The following ALG9 variants were observed in gnomAD, a reference collection of about 807,000 sequenced individuals.
The protein encoded by ALG9 is ALG9 alpha-1,2-mannosyltransferase, also known as alpha-1,2-mannosyltransferase ALG9.
In ALG9, 55 loss-of-function variants were observed where a neutral mutation model predicts 81.8. The observed-to-expected ratio is 0.67, with a 90% CI of 0.54 to 0.84. The LOEUF (loss-of-function observed/expected upper bound fraction) is 0.84, where lower values mean the gene tolerates loss of function less well. Ranked by LOEUF, ALG9 falls within the 40% of genes least tolerant of loss-of-function variation. The pLI, the probability that ALG9 is intolerant of heterozygous loss-of-function variation, is 0.00. For synonymous variants in ALG9, 278 were observed against 274.3 expected (o/e 1.01, Z -0.13); for missense variants, 629 against 745.0 (o/e 0.84, Z 1.81).
chr11:111,836,223 G>A lies in ALG9; in HGVS notation c.1544C>T (p.Ala515Val), dbSNP rs1264069945. The A allele has an allele frequency of 2.5e-6, 4 of 1,613,898 alleles. No individual in the cohort carries two copies. The highest frequency in any genetic ancestry group is 2.7e-5 in the African/African-American group (2 of 74,906). ...LPKPFAEGPL[A>V]TRIVPTDMND... ...CATGTCAGTAGGAACAATCCGGGTG[G>A]CCAGAGGTCCTTCTGCAAAAGGTTT... is the stretch of plus-strand genomic sequence containing the variant. The change falls in exon 13 of 15, where the codon GCC (alanine) becomes GTC (valine). Residue 515 changes from alanine (A) to valine (V), a missense_variant. Physicochemically the swap from Ala to Val is moderately conservative, Grantham distance 64. Transcript: ENST00000616540.
At chr11:111,849,731 T>G (rs749456971) in intron 8 of ALG9, 5 of 152,188 alleles carry the variant, frequency 3.3e-5, no homozygotes, top group Non-Finnish European at 7.3e-5. Flanking sequence ...ATGTGGTGTT[T>G]GGTTTTCTGC....
intron 3 of ALG9, among the ~76,000 whole-genome samples, chr11:111,866,550 T>C (rs1962537465): frequency 6.6e-6 from 1 of 151,944 alleles, no homozygotes; most frequent in Non-Finnish European, 1.5e-5. Flanking sequence ...CTTTGCTGAA[T>C]GGCTAGGAAA....
At chr11:111,787,891 C>T (rs1394016609) in intron 14 of ALG9, among the ~76,000 whole-genome samples, 1 of 152,206 alleles carries the variant, frequency 6.6e-6, no homozygotes, top group Admixed American at 6.5e-5. Context: ...CAGGGTTACA[C>T]AGTAAGTGAC....
At chr11:111,797,151 AC>A (rs1250127730) in intron 14 of ALG9, among the ~76,000 whole-genome samples, 1 of 152,256 alleles carries the variant, frequency 6.6e-6, no homozygotes, top group East Asian at 1.9e-4. Context: ...CCTCCCATCA[AC>A]AGGGGAAGTC....
chr11:111,866,837 T>C (rs1477535550), intron 3 of ALG9, among the ~76,000 whole-genome samples: 2 of 150,348 alleles, frequency 1.3e-5, no homozygotes, highest in Non-Finnish European at 3.0e-5. Context: ...CTCACGCCCG[T>C]AATCCCAGCA....
At chr11:111,772,063 A>G in the ALG9 span, among the ~76,000 whole-genome samples, 1 of 152,342 alleles carries the variant, frequency 6.6e-6, no homozygotes, top group South Asian at 2.1e-4. Flanking sequence ...ATCACCACAT[A>G]TAACAAAGGT....
intron 14 of ALG9, among the ~76,000 whole-genome samples, chr11:111,787,507 A>C (rs1475448597): frequency 6.6e-6 from 1 of 151,756 alleles, no homozygotes; most frequent in Non-Finnish European, 1.5e-5. Context: ...CCCAGGCTGG[A>C]GTGCCGTGGT....
chr11:111,803,633 T>C (rs1468973224), intron 14 of ALG9, among the ~76,000 whole-genome samples: 2 of 151,972 alleles, frequency 1.3e-5, no homozygotes, highest in Non-Finnish European at 2.9e-5. Context: ...TGAAACAGAA[T>C]AGAGAGCCCA....
Position 111,844,736 on chromosome 11 carries a change from T to C in ALG9, c.896-13A>G, listed in dbSNP as rs1411670918. The C allele has an allele frequency of 1.9e-6, 3 of 1,612,952 alleles. No individual in the cohort carries two copies. Among genetic ancestry groups the C allele is most frequent in the East Asian group, 2.2e-5 (1 of 44,828 alleles). ...CAGGGTTCTGTACCTGAGGGAGACA[T>C]AAAGGTAAGAAATCATTAGTGGATG... On this transcript the variant is annotated splice_polypyrimidine_tract_variant and intron_variant, in intron 8 of 14. Coordinates refer to ENST00000616540, the MANE Select transcript of ALG9 (RefSeq NM_024740.2).
intron 6 of ALG9, among the ~76,000 whole-genome samples, chr11:111,856,032 AC>A (rs1235692159): frequency 6.6e-6 from 1 of 152,126 alleles, no homozygotes; most frequent in East Asian, 1.9e-4. Flanking sequence ...TAAACCCAAC[AC>A]TTTGGGAGGC....
intron 3 of ALG9, among the ~76,000 whole-genome samples, chr11:111,867,518 T>C (rs1962891116): frequency 6.6e-6 from 1 of 151,978 alleles, no homozygotes; most frequent in Non-Finnish European, 1.5e-5. Flanking sequence ...AAAGAAAAAC[T>C]GAATGGAAAT....
At chr11:111,806,169 AT>A (rs1555085126) in intron 14 of ALG9, among the ~76,000 whole-genome samples, 2 of 152,062 alleles carry the variant, frequency 1.3e-5, no homozygotes, top group African/African-American at 4.8e-5. Context: ...CACACTAAAA[AT>A]TTTTTTAAAA....
chr11:111,808,046 G>A (rs1011855576), intron 14 of ALG9, among the ~76,000 whole-genome samples: 1 of 152,140 alleles, frequency 6.6e-6, no homozygotes, highest in Non-Finnish European at 1.5e-5. Flanking sequence ...TTCCAGCGTC[G>A]TGACAGAGTG....
At chr11:111,768,428 CTACTT>C in the ALG9 span, among the ~76,000 whole-genome samples, 1 of 151,532 alleles carries the variant, frequency 6.6e-6, no homozygotes, top group Admixed American at 6.6e-5. Flanking sequence ...CACATTTTTC[CTACTT>C]TATATTCGTA....
chr11:111,866,220 C>T (rs1315865219), intron 3 of ALG9, among the ~76,000 whole-genome samples: 2 of 152,174 alleles, frequency 1.3e-5, no homozygotes, highest in Non-Finnish European at 2.9e-5. Flanking sequence ...TTACTTGAAC[C>T]TGGGAGTCGG....
chr11:111,816,428 T>C (rs890095880), intron 13 of ALG9, among the ~76,000 whole-genome samples: 2 of 152,148 alleles, frequency 1.3e-5, no homozygotes, highest in Non-Finnish European at 2.9e-5. Flanking sequence ...TTTTTATTTT[T>C]TGTAGAGACG....
chr11:111,804,516 A>G (rs1183664561), intron 14 of ALG9, among the ~76,000 whole-genome samples: 1 of 152,168 alleles, frequency 6.6e-6, no homozygotes, highest in Non-Finnish European at 1.5e-5. Context: ...ACTTGAGCCC[A>G]GGAGTTAGAG....
chr11:111,826,801 T>A (rs2136663475), intron 13 of ALG9, among the ~76,000 whole-genome samples: 1 of 152,298 alleles, frequency 6.6e-6, no homozygotes, highest in South Asian at 2.1e-4. Context: ...TCTCCTCTCC[T>A]CCGTCTCATC....
intron 13 of ALG9, among the ~76,000 whole-genome samples, chr11:111,835,580 G>A (rs906064441): frequency 6.6e-6 from 1 of 152,170 alleles, no homozygotes; most frequent in Admixed American, 6.5e-5. Context: ...GGAATGATAT[G>A]AGTTTCAGAA....
Sources: gnomAD v4.1 joint callset for allele counts (sites outside exome capture counted in the v4.1 genomes callset) on GRCh38, gnomAD v4.1.1 for gene constraint, MANE v1.5 for transcripts, NCBI Gene and HGNC (gene_info 2026-07-23, HGNC 2026-07-21) for gene names.